EXT1: variants seen among roughly 807,000 people sequenced by gnomAD.
The protein encoded by EXT1 is exostosin-1.
In EXT1, 20 loss-of-function variants were observed where a neutral mutation model predicts 82.5. The ratio of observed to expected loss-of-function variants is 0.24; its 90% CI spans 0.17 to 0.35. EXT1 has a LOEUF of 0.35. Ranked by LOEUF, EXT1 falls within the 10% of genes least tolerant of loss-of-function variation. The pLI, the probability that EXT1 is intolerant of heterozygous loss-of-function variation, is 1.00. For missense variants in EXT1, 757 were observed against 936.5 expected (o/e 0.81, Z 2.50); for synonymous variants, 348 against 350.8 (o/e 0.99, Z 0.09).
chr8:118,013,349 C>T (rs1815940007), intron 1 of EXT1, among the ~76,000 whole-genome samples: 1 of 152,138 alleles, frequency 6.6e-6, no homozygotes, highest in African/African-American at 2.4e-5. Context: ...GCTGAGATTA[C>T]AGGAGCCCGT....
At chr8:117,951,983 T>C (rs1814499049) in intron 1 of EXT1, among the ~76,000 whole-genome samples, 1 of 152,246 alleles carries the variant, frequency 6.6e-6, no homozygotes, top group African/African-American at 2.4e-5. Flanking sequence ...AGAGACCATA[T>C]GGCTCACAAG....
intron 6 of EXT1, 97 bp downstream of exon 6, chr8:117,819,579 G>A: frequency 1.2e-6 from 1 of 852,628 alleles, no homozygotes; most frequent in Non-Finnish European, 1.9e-6. Context: ...GAAGTCCCGG[G>A]GAGCCTGGGG....
intron 1 of EXT1, among the ~76,000 whole-genome samples, chr8:118,064,993 C>G (rs1816952133): frequency 6.6e-6 from 1 of 151,926 alleles, no homozygotes. Context: ...GCCAGGATTA[C>G]AGGTGCCCGC....
intron 1 of EXT1, among the ~76,000 whole-genome samples, chr8:117,864,454 TA>T (rs1031465900): frequency 1.3e-5 from 2 of 151,702 alleles, no homozygotes; most frequent in African/African-American, 4.8e-5. Flanking sequence ...TGATGAGCTT[TA>T]AAAAAAAATC....
chr8:118,018,920 T>C (rs927684558), intron 1 of EXT1, among the ~76,000 whole-genome samples: 1 of 152,106 alleles, frequency 6.6e-6, no homozygotes, highest in African/African-American at 2.4e-5. Context: ...TTAATAATAG[T>C]ACCCTGCTTC....
rs149564506 is a variant in EXT1 at position 118,014,901 on chromosome 8, A to G, written c.962+95184T>C. ...GCAAGGGATGGGAACGGTGAATTCCAGAGTGATACAAGAATGGAATTTTCA... is the reference window on the plus strand; with the variant it reads ...GCAAGGGATGGGAACGGTGAATTCCGGAGTGATACAAGAATGGAATTTTCA... On this transcript the variant is annotated intron_variant, in intron 1 of 10. Transcript: ENST00000378204. 1.2e-3 allele frequency among the ~76,000 whole-genome samples: 185 copies of G among 152,336 alleles called. 1 individual carries two copies. Among genetic ancestry groups the G allele is most frequent in the African/African-American group, 4.4e-3 (184 of 41,570 alleles).
chr8:117,813,821 C>T (rs1278504100), intron 7 of EXT1, among the ~76,000 whole-genome samples: 1 of 152,050 alleles, frequency 6.6e-6, no homozygotes, highest in Non-Finnish European at 1.5e-5. Context: ...GCCTGACCAA[C>T]ATGGTGAAAC....
chr8:118,013,404 T>C (rs1815941815), intron 1 of EXT1, among the ~76,000 whole-genome samples: 1 of 152,190 alleles, frequency 6.6e-6, no homozygotes. Flanking sequence ...AGACGGGGTT[T>C]TACCATGTTG....
intron 1 of EXT1, among the ~76,000 whole-genome samples, chr8:118,030,690 C>G (rs1816295021): frequency 6.6e-6 from 1 of 152,144 alleles, no homozygotes; most frequent in South Asian, 2.1e-4. Context: ...CCATGTTGGT[C>G]AGGCTGGTCT....
intron 1 of EXT1, among the ~76,000 whole-genome samples, chr8:118,000,260 A>G (rs975414588): frequency 4.6e-5 from 7 of 152,222 alleles, no homozygotes; most frequent in Non-Finnish European, 8.8e-5. Flanking sequence ...GAGCCAGTCC[A>G]TCTCACCTAG....
chr8:118,104,855 A>T (rs1385158076), intron 1 of EXT1, among the ~76,000 whole-genome samples: 1 of 152,224 alleles, frequency 6.6e-6, no homozygotes, highest in Non-Finnish European at 1.5e-5. Flanking sequence ...TGAACATGAA[A>T]CATGTCCAGA....
intron 1 of EXT1, among the ~76,000 whole-genome samples, chr8:118,095,449 G>C (rs1259562063): frequency 2.6e-5 from 4 of 152,134 alleles, no homozygotes; most frequent in Non-Finnish European, 5.9e-5. Context: ...GCCCTGCATT[G>C]ACAGGTTTGC....
At chr8:118,039,016 C>T (rs759269236) in intron 1 of EXT1, among the ~76,000 whole-genome samples, 3 of 152,168 alleles carry the variant, frequency 2.0e-5, no homozygotes, top group East Asian at 1.9e-4. Flanking sequence ...CCCACACAGA[C>T]GCACTCCAAC....
chr8:117,925,260 A>C (rs1813931092), intron 1 of EXT1, among the ~76,000 whole-genome samples: 1 of 152,044 alleles, frequency 6.6e-6, no homozygotes, highest in African/African-American at 2.4e-5. Context: ...TGACAACAGG[A>C]GCTGTGTCTC....
chr8:118,024,798 G>T (rs915754714), intron 1 of EXT1, among the ~76,000 whole-genome samples: 30 of 152,296 alleles, frequency 2.0e-4, no homozygotes, highest in African/African-American at 6.5e-4. Flanking sequence ...CTGGAGAGTT[G>T]GAGGGAAATC....
At chr8:118,027,759 G>A (rs1275289632) in intron 1 of EXT1, among the ~76,000 whole-genome samples, 2 of 152,108 alleles carry the variant, frequency 1.3e-5, no homozygotes, top group African/African-American at 2.4e-5. Context: ...AGTGCATTAT[G>A]AGCACTAGAA....
rs545764523 is a variant in EXT1, at chr8:118,039,668, G to C, written c.962+70417C>G. Reference sequence around the variant, plus strand: ...GAAAATTTTTGAAGAAAATGCTGATGAATTATTTTTACTGATCACCCAAGC... The same window carrying C: ...GAAAATTTTTGAAGAAAATGCTGATCAATTATTTTTACTGATCACCCAAGC... On this transcript the variant is annotated intron_variant, in intron 1 of 10. Coordinates refer to ENST00000378204, the MANE Select transcript of EXT1 (RefSeq NM_000127.3). Among the ~76,000 whole-genome samples, 269 of 151,440 alleles carry C rather than the reference G, an allele frequency of 1.8e-3. 2 individuals are homozygous for C. Among genetic ancestry groups the C allele is most frequent in the African/African-American group, 6.3e-3 (260 of 41,286 alleles).
intron 1 of EXT1, among the ~76,000 whole-genome samples, chr8:117,863,147 T>C (rs1488930003): frequency 2.2e-5 from 3 of 135,112 alleles, no homozygotes; most frequent in Non-Finnish European, 5.1e-5. Flanking sequence ...TTTAAACTTT[T>C]TACTTATATA....
At chr8:117,887,331 T>C (rs916148378) in intron 1 of EXT1, among the ~76,000 whole-genome samples, 3 of 152,184 alleles carry the variant, frequency 2.0e-5, no homozygotes, top group Non-Finnish European at 4.4e-5. Flanking sequence ...AAGCAAAACA[T>C]GTTTCCAGGA....
Sources: allele counts gnomAD v4.1 joint callset (sites outside exome capture counted in the v4.1 genomes callset), GRCh38; gene constraint gnomAD v4.1.1; transcripts MANE v1.5; gene names NCBI Gene and HGNC (gene_info 2026-07-23, HGNC 2026-07-21).